CTBP1: variants seen among roughly 807,000 people sequenced by gnomAD.
The protein encoded by CTBP1 is C-terminal binding protein 1, also known as C-terminal-binding protein 1.
In CTBP1, 11 loss-of-function variants were observed where a neutral mutation model predicts 42.1. The observed-to-expected ratio is 0.26, with a 90% CI of 0.16 to 0.43. The LOEUF (loss-of-function observed/expected upper bound fraction) is 0.43, where lower values mean the gene tolerates loss of function less well. CTBP1 is among the 20% of genes least tolerant of loss of function. The probability of loss-of-function intolerance (pLI) is 1.00; values close to 1 mark genes in which losing one functional copy is unlikely to be tolerated. For missense variants in CTBP1, 399 were observed against 624.3 expected (o/e 0.64, Z 3.85); for synonymous variants, 324 against 277.1 (o/e 1.17, Z -1.68).
intron 1 of CTBP1, 49 bp from the exon 2 acceptor site, chr4:1,241,568 C>A (rs746385973): frequency 2.0e-6 from 3 of 1,518,448 alleles, no homozygotes; most frequent in South Asian, 1.2e-5. Flanking sequence ...GAAGGTCCGA[C>A]CAGAACTCAC....
intron 5 of CTBP1, among the ~76,000 whole-genome samples, chr4:1,220,366 T>C (rs930160478): frequency 6.6e-6 from 1 of 151,604 alleles, no homozygotes; most frequent in Middle Eastern, 3.2e-3. Context: ...ATAAACTTAA[T>C]GAACTACGTG....
At chr4:1,214,300 T>G in intron 7 of CTBP1, 43 bp downstream of exon 7, 1 of 1,508,432 alleles carries the variant, frequency 6.6e-7, no homozygotes, top group Non-Finnish European at 8.8e-7. Flanking sequence ...GGCAGGATGG[T>G]GGACAGGGAA....
chr4:1,216,742 C>T (rs572912216), intron 5 of CTBP1: 53 of 168,620 alleles, frequency 3.1e-4, no homozygotes, highest in Admixed American at 1.3e-3. Flanking sequence ...AAAGCCATCC[C>T]AGGCAGACGT....
At position 1,235,283 on chromosome 4, in the gene CTBP1, C is replaced by A. The variant is rs73793148; in HGVS notation, c.162+2900G>T. The A allele has an allele frequency of 5.8e-4, 88 of 152,258 alleles. No homozygotes were observed. The highest frequency in any genetic ancestry group is 2.0e-3 in the African/African-American group (83 of 41,520). The allele number at this position is 152,258 out of a possible 1,614,324, so 9.4% of individuals were successfully genotyped here. On this transcript the variant is annotated intron_variant, in intron 3 of 9. Transcript: ENST00000382952. This position sits in a 1 kb window ranked among gnomAD's most constrained non-coding sequence, Gnocchi z 4.2. ...TGGCCACTGGGCTGCATTACAAGCA[C>A]GCATCTACCCGTGTGAGAAACCATG... is the stretch of plus-strand genomic sequence containing the variant.
chr4:1,236,186 A>G lies in CTBP1; in HGVS notation c.162+1997T>C, dbSNP rs1423334442. ...CAGGCTGCAGCCTGGGCCTGGCCCTATCCTGTGAGCTCCTGGGGGCCCAGC... is the reference window on the plus strand; with the variant it reads ...CAGGCTGCAGCCTGGGCCTGGCCCTGTCCTGTGAGCTCCTGGGGGCCCAGC... On this transcript the variant is annotated intron_variant, in intron 3 of 9. Coordinates refer to ENST00000382952, the MANE Select transcript of CTBP1 (RefSeq NM_001012614.2). 3 of 167,584 alleles carry G rather than the reference A, an allele frequency of 1.8e-5. No homozygotes were observed. In the East Asian group the frequency reaches 5.2e-4, roughly 29 times the overall value. 10.4% of individuals were successfully genotyped at this position (167,584 alleles called of 1,614,324 possible).
At chr4:1,244,653 C>A in intron 1 of CTBP1, 2 of 985,388 alleles carry the variant, frequency 2.0e-6, no homozygotes, top group South Asian at 9.4e-5. Context: ...AAGGGCTCCC[C>A]GACCACCAGA....
intron 1 of CTBP1, chr4:1,245,412 G>A (rs992028729): frequency 1.0e-6 from 1 of 985,380 alleles, no homozygotes; most frequent in African/African-American, 1.7e-5. Context: ...GGGGTATCAG[G>A]GCTACACCTT....
chr4:1,245,759 G>A (rs183613076), intron 1 of CTBP1, among the ~76,000 whole-genome samples: 1 of 152,260 alleles, frequency 6.6e-6, no homozygotes, highest in East Asian at 1.9e-4. Flanking sequence ...AGCACGGGTA[G>A]GCAGGGTGGC....
chr4:1,248,938 C>T lies in CTBP1; in HGVS notation c.-211G>A. 2 of 1,011,200 alleles carry T rather than the reference C, an allele frequency of 2.0e-6. No homozygotes were observed. Among genetic ancestry groups the T allele is most frequent in the Non-Finnish European group, 2.4e-6 (2 of 841,032 alleles). 62.6% of individuals were successfully genotyped at this position (1,011,200 alleles called of 1,614,324 possible). A position where few individuals can be genotyped will look rare whatever the true frequency, so the allele number is the denominator to read the frequency against. ...TACCAAGCGGCAGGCCCTTGTTGAG[C>T]AAGTGCGAGCTGCCCATCGAGAGGC... is the stretch of plus-strand genomic sequence containing the variant. On this transcript the variant is annotated 5_prime_UTR_variant, in exon 1 of 10. Coordinates refer to ENST00000382952, the MANE Select transcript of CTBP1 (RefSeq NM_001012614.2).
rs3832288 is a variant in CTBP1 at position 1,247,767 on chromosome 4, A to AGG, written c.-189+1147_-189+1148dup. On this transcript the variant is annotated intron_variant, in intron 1 of 9. Coordinates refer to ENST00000382952, the MANE Select transcript of CTBP1 (RefSeq NM_001012614.2). ...TACAGAAACGGTGGAGAGGCCGGGG[A>AGG]GGGGGGGGGGGCTCGGGCTCAACGG... 7.4e-3 allele frequency among the ~76,000 whole-genome samples: 522 copies of AGG among 70,794 alleles called. 7 individuals carry two copies. The highest frequency in any genetic ancestry group is 0.015 in the African/African-American group (206 of 13,760). The allele number at this position is 70,794 out of a possible 152,430, so 46.4% of individuals were successfully genotyped here. A position where few individuals can be genotyped will look rare whatever the true frequency, so the allele number is the denominator to read the frequency against.
At chr4:1,239,651 C>T (rs776367486) in intron 2 of CTBP1, among the ~76,000 whole-genome samples, 46 of 152,214 alleles carry the variant, frequency 3.0e-4, no homozygotes, top group African/African-American at 1.0e-3. Context: ...CTGCAGCACA[C>T]GCCTGCAGGG....
chr4:1,222,896 G>A lies in CTBP1; in HGVS notation c.514+2464C>T, dbSNP rs568387045. On this transcript the variant is annotated intron_variant, in intron 5 of 9. Coordinates refer to ENST00000382952, the MANE Select transcript of CTBP1 (RefSeq NM_001012614.2). ...AACACACCCACCTACTCTTACCAGG[G>A]GAACTACAGACATCCCTGGCCACAC... Among the ~76,000 whole-genome samples, 9 of 152,048 alleles carry A rather than the reference G, an allele frequency of 5.9e-5. No individual in the cohort carries two copies. In the East Asian group the frequency reaches 1.2e-3, roughly 20 times the overall value.
intron 3 of CTBP1, among the ~76,000 whole-genome samples, chr4:1,231,660 G>A (rs1025777820): frequency 3.3e-5 from 5 of 152,228 alleles, no homozygotes; most frequent in African/African-American, 1.2e-4. Flanking sequence ...GCACAGGGGT[G>A]GCTTACTCTG....
At chr4:1,232,292 T>C (rs1457093328) in intron 3 of CTBP1, among the ~76,000 whole-genome samples, 2 of 152,134 alleles carry the variant, frequency 1.3e-5, no homozygotes, top group South Asian at 2.1e-4. Context: ...ATTTTTTAAA[T>C]TTATTTTGCT....
At chr4:1,243,171 G>A in intron 1 of CTBP1, 1 of 985,468 alleles carries the variant, frequency 1.0e-6, no homozygotes, top group South Asian at 4.7e-5. Context: ...CATGGCACCA[G>A]CCGCTGCTCC....
chr4:1,231,755 G>T (rs759090097), intron 3 of CTBP1, among the ~76,000 whole-genome samples: 16 of 152,266 alleles, frequency 1.1e-4, no homozygotes, highest in Non-Finnish European at 1.8e-4. Flanking sequence ...GGTGGGGCTG[G>T]GCTGAAGACC....
At chr4:1,226,285 G>A (rs919221485) in intron 4 of CTBP1, among the ~76,000 whole-genome samples, 9 of 149,694 alleles carry the variant, frequency 6.0e-5, no homozygotes, top group South Asian at 2.1e-4. Context: ...GCCCCTGCAC[G>A]GCACTTCCCA....
rs749789064 is a variant in CTBP1 at position 1,241,438 on chromosome 4, C to T, written c.-107G>A. The T allele has an allele frequency of 2.2e-5, 34 of 1,541,828 alleles. No homozygotes were observed. The highest frequency in any genetic ancestry group is 2.2e-4 in the Admixed American group (13 of 59,916). ...CGTCCTGTCTCGGAGCCTCATCCCA[C>T]GTCCTTAATTGTCTCGAGCCAAAGT... On this transcript the variant is annotated 5_prime_UTR_variant, in exon 2 of 10. It adds an upstream start codon to the 5' untranslated region. Coordinates refer to ENST00000382952, the MANE Select transcript of CTBP1 (RefSeq NM_001012614.2).
intron 2 of CTBP1, 85 bp downstream of exon 2, chr4:1,241,240 T>C: frequency 1.3e-6 from 1 of 780,260 alleles, no homozygotes; most frequent in Non-Finnish European, 2.4e-6. Context: ...TCCCTCGACT[T>C]GATCCGAGGC....
Sources: gnomAD v4.1 joint callset for allele counts (sites outside exome capture counted in the v4.1 genomes callset) on GRCh38, gnomAD v4.1.1 for gene constraint, Gnocchi (gnomAD v3.1) non-coding constraint, MANE v1.5 for transcripts, NCBI Gene and HGNC (gene_info 2026-07-23, HGNC 2026-07-21) for gene names.